Variants in ANKS1B observed in about 807,000 individuals in gnomAD.
ANKS1B encodes the protein ankyrin repeat and sterile alpha motif domain containing 1B, also known as ankyrin repeat and sterile alpha motif domain-containing protein 1B.
In ANKS1B, 36 loss-of-function variants were observed where a neutral mutation model predicts 148.3. That is an observed-to-expected ratio of 0.24 (90% CI 0.19 to 0.32). ANKS1B has a LOEUF of 0.32. Ranked by LOEUF, ANKS1B falls within the 10% of genes least tolerant of loss-of-function variation. ANKS1B has a pLI of 1.00. For synonymous variants in ANKS1B, 542 were observed against 560.8 expected, an observed-to-expected ratio of 0.97 and a Z score of 0.47; for missense variants, 1,157 against 1,542.6, an observed-to-expected ratio of 0.75 and a Z score of 4.19.
At chr12:99,362,870 T>G (rs1160955966) in intron 12 of ANKS1B, among the ~76,000 whole-genome samples, 2 of 152,178 alleles carry the variant, frequency 1.3e-5, no homozygotes, top group East Asian at 3.9e-4. Flanking sequence ...AATTAAGTTT[T>G]AAAATGTCTT....
chr12:99,840,556 G>T (rs1307170713), intron 1 of ANKS1B, among the ~76,000 whole-genome samples: 1 of 152,124 alleles, frequency 6.6e-6, no homozygotes, highest in Non-Finnish European at 1.5e-5. Context: ...GAGCAAAGGG[G>T]TAGCATCATG....
intron 17 of ANKS1B, among the ~76,000 whole-genome samples, chr12:99,035,691 C>T (rs965318482): frequency 3.9e-5 from 6 of 152,058 alleles, no homozygotes; most frequent in East Asian, 3.9e-4. Context: ...AGGAGAAGGA[C>T]GGAGATGCAT....
intron 8 of ANKS1B, among the ~76,000 whole-genome samples, chr12:99,732,924 A>T (rs2059300596): frequency 6.6e-6 from 1 of 152,184 alleles, no homozygotes; most frequent in Admixed American, 6.5e-5. Context: ...TCATTCAGTT[A>T]TAAGACCAAC....
intron 17 of ANKS1B, among the ~76,000 whole-genome samples, chr12:98,893,366 C>A (rs562054176): frequency 1.3e-5 from 2 of 152,304 alleles, no homozygotes; most frequent in African/African-American, 4.8e-5. Context: ...TCCCCTTGCA[C>A]GAGCTCATCT....
chr12:99,663,674 G>A (rs535230618), intron 8 of ANKS1B, among the ~76,000 whole-genome samples: 3 of 151,664 alleles, frequency 2.0e-5, no homozygotes, highest in East Asian at 2.0e-4. Flanking sequence ...CTGAAATGAC[G>A]TTACTATGTA....
intron 4 of ANKS1B, among the ~76,000 whole-genome samples, chr12:99,799,809 G>A (rs1488273440): frequency 2.0e-5 from 3 of 152,118 alleles, no homozygotes; most frequent in Admixed American, 2.0e-4. Flanking sequence ...GAACAACAAG[G>A]TCACTGTGGA....
chr12:98,882,356 T>C (rs966248145), intron 17 of ANKS1B, among the ~76,000 whole-genome samples: 2 of 152,126 alleles, frequency 1.3e-5, no homozygotes, highest in Non-Finnish European at 2.9e-5. Context: ...AACATTTACA[T>C]AGACACCAAA....
At chr12:99,957,481 T>C (rs2095342130) in intron 1 of ANKS1B, among the ~76,000 whole-genome samples, 1 of 152,210 alleles carries the variant, frequency 6.6e-6, no homozygotes, top group African/African-American at 2.4e-5. Context: ...AAATTTGCCT[T>C]TACCCTAAAC....
rs368249334 is a variant in ANKS1B, at chr12:98,827,705, G to C, written c.3066+1469C>G. Among the ~76,000 whole-genome samples, 3 of 152,128 alleles carry C rather than the reference G, an allele frequency of 2.0e-5. No individual in the cohort carries two copies. The East Asian group carries it at 5.8e-4, about 29-fold the overall frequency. On this transcript the variant is annotated intron_variant, in intron 19 of 26. Coordinates refer to ENST00000683438, the MANE Select transcript of ANKS1B (RefSeq NM_001352186.2). Reference sequence around the variant, plus strand: ...TGGAGAAATTTCATAAATTATGTGAGCAGCTGAGAGAGGTAATTCTGCTAT... The same window carrying C: ...TGGAGAAATTTCATAAATTATGTGACCAGCTGAGAGAGGTAATTCTGCTAT...
chr12:98,883,881 G>A (rs537452321), intron 17 of ANKS1B, among the ~76,000 whole-genome samples: 1 of 152,146 alleles, frequency 6.6e-6, no homozygotes, highest in African/African-American at 2.4e-5. Context: ...ATTGGATCTA[G>A]AATCTGTTTT....
chr12:99,443,037 A>G (rs761845826), intron 11 of ANKS1B, among the ~76,000 whole-genome samples: 26 of 151,946 alleles, frequency 1.7e-4, no homozygotes, highest in Non-Finnish European at 3.5e-4. Flanking sequence ...GCTTGTCCCA[A>G]TGATATTTCT....
At chr12:99,128,337 C>A (rs568544700) in intron 15 of ANKS1B, among the ~76,000 whole-genome samples, 40 of 152,274 alleles carry the variant, frequency 2.6e-4, no homozygotes, top group African/African-American at 8.7e-4. Context: ...TTGTGGCCTG[C>A]CATATGAAAA....
chr12:99,475,598 T>C (rs2096306378), intron 10 of ANKS1B, among the ~76,000 whole-genome samples: 1 of 151,926 alleles, frequency 6.6e-6, no homozygotes, highest in South Asian at 2.1e-4. Context: ...ATTCCATTTT[T>C]TTATAATTCC....
intron 9 of ANKS1B, among the ~76,000 whole-genome samples, chr12:99,640,123 G>A (rs1460752923): frequency 3.3e-5 from 5 of 152,260 alleles, no homozygotes; most frequent in Admixed American, 2.6e-4. Context: ...AGTGAGCCAA[G>A]ATTGTGCCAC....
At chr12:99,434,033 A>G (rs1393473969) in intron 11 of ANKS1B, among the ~76,000 whole-genome samples, 1 of 152,162 alleles carries the variant, frequency 6.6e-6, no homozygotes. Flanking sequence ...TTAATTAATG[A>G]TGTCCTTTGT....
At chr12:98,866,611 A>G (rs1310004280) in intron 17 of ANKS1B, among the ~76,000 whole-genome samples, 1 of 152,194 alleles carries the variant, frequency 6.6e-6, no homozygotes, top group Admixed American at 6.5e-5. Context: ...TAAATGCACC[A>G]AGTTCCCTCT....
At chr12:99,434,181 A>C (rs940655270) in intron 11 of ANKS1B, among the ~76,000 whole-genome samples, 1 of 152,086 alleles carries the variant, frequency 6.6e-6, no homozygotes, top group African/African-American at 2.4e-5. Flanking sequence ...AGGAAGATGT[A>C]ATTGACTGCA....
At chr12:98,995,351 G>A (rs1413335256) in intron 17 of ANKS1B, among the ~76,000 whole-genome samples, 1 of 152,144 alleles carries the variant, frequency 6.6e-6, no homozygotes, top group Non-Finnish European at 1.5e-5. Context: ...AGCACTTTGG[G>A]AGGCCAAGGC....
intron 16 of ANKS1B, among the ~76,000 whole-genome samples, chr12:99,072,422 A>G (rs1378519901): frequency 1.3e-5 from 2 of 152,116 alleles, no homozygotes; most frequent in African/African-American, 4.8e-5. Context: ...TTTTATAGAT[A>G]AGGACACTGG....
Sources: allele counts gnomAD v4.1 joint callset (sites outside exome capture counted in the v4.1 genomes callset), GRCh38; gene constraint gnomAD v4.1.1; transcripts MANE v1.5; gene names NCBI Gene and HGNC (gene_info 2026-07-23, HGNC 2026-07-21).